The following NCOA1 variants were observed in gnomAD, a reference collection of about 807,000 sequenced individuals.
NCOA1 encodes the protein Hin-2 protein.
In NCOA1, 35 loss-of-function variants were observed where a neutral mutation model predicts 150.9. The observed-to-expected ratio is 0.23, with a 90% CI of 0.18 to 0.31. The LOEUF (loss-of-function observed/expected upper bound fraction) is 0.31, where lower values mean the gene tolerates loss of function less well. Ranked by LOEUF, NCOA1 falls within the 10% of genes least tolerant of loss-of-function variation. The pLI, the probability that NCOA1 is intolerant of heterozygous loss-of-function variation, is 1.00. For missense variants in NCOA1, 1,491 were observed against 1,749.3 expected (o/e 0.85, Z 2.63); for synonymous variants, 590 against 630.0 (o/e 0.94, Z 0.95).
At chr2:24,753,702 C>T (rs1218888746) in intron 20 of NCOA1, among the ~76,000 whole-genome samples, 1 of 152,180 alleles carries the variant, frequency 6.6e-6, no homozygotes, top group South Asian at 2.1e-4. Flanking sequence ...GAGGATCTTT[C>T]TCATCTCCAT....
intron 1 of NCOA1, among the ~76,000 whole-genome samples, chr2:24,519,652 C>CAAAAAAAAA (rs1014874055): frequency 0.049 from 3,524 of 71,922 alleles, 87 homozygotes; most frequent in East Asian, 0.14. Flanking sequence ...CCTGTCTCTA[C>CAAAAAAAAA]AAAAAAAAAA....
At chr2:24,644,448 A>G (rs924407182) in intron 4 of NCOA1, among the ~76,000 whole-genome samples, 1 of 152,172 alleles carries the variant, frequency 6.6e-6, no homozygotes, top group Non-Finnish European at 1.5e-5. Flanking sequence ...AGTTAATTTT[A>G]TACATATATG....
At chr2:24,659,151 C>G (rs996750112) in intron 5 of NCOA1, 1 of 184,412 alleles carries the variant, frequency 5.4e-6, no homozygotes, top group Non-Finnish European at 1.2e-5. Context: ...CTGGCTTCCC[C>G]GCTAGACTCT....
chr2:24,560,776 G>T (rs991451145), intron 1 of NCOA1, among the ~76,000 whole-genome samples: 37 of 152,160 alleles, frequency 2.4e-4, no homozygotes, highest in Admixed American at 2.1e-3. Flanking sequence ...CATAATGGTT[G>T]TTGAGTTTTT....
chr2:24,527,447 A>G (rs1488723994), intron 1 of NCOA1, among the ~76,000 whole-genome samples: 1 of 152,088 alleles, frequency 6.6e-6, no homozygotes, highest in Admixed American at 6.6e-5. Context: ...ACTTAGCATA[A>G]TGTCTTCCAG....
At chr2:24,538,584 A>G (rs1387146018) in intron 1 of NCOA1, among the ~76,000 whole-genome samples, 1 of 152,200 alleles carries the variant, frequency 6.6e-6, no homozygotes, top group Non-Finnish European at 1.5e-5. Flanking sequence ...TTTCCAGCTT[A>G]AAAAGTCTAT....
chr2:24,642,042 G>GCA lies in NCOA1; in HGVS notation c.-174-1923_-174-1922insAC, dbSNP rs148587844. Among the ~76,000 whole-genome samples the GCA allele has an allele frequency of 3.6e-3, 542 of 151,124 alleles. 23 individuals are homozygous for GCA. The East Asian group carries it at 0.095, about 26-fold the overall frequency. On this transcript the variant is annotated intron_variant, in intron 3 of 22. Coordinates refer to ENST00000348332, the MANE Select transcript of NCOA1 (RefSeq NM_003743.5). The stretch of plus-strand genomic sequence containing the variant: ...TGTGTGTGTGTGTGTGTGTGTGCGC[G>GCA]CGTGCGTATGTGTGTGTGTATGTGT...
chr2:24,602,100 G>A (rs1017124723), intron 3 of NCOA1, among the ~76,000 whole-genome samples: 1 of 152,162 alleles, frequency 6.6e-6, no homozygotes, highest in African/African-American at 2.4e-5. Flanking sequence ...GAAGAACCCT[G>A]GAACTTAATG....
At chr2:24,496,608 T>G (rs935304460) in intron 1 of NCOA1, among the ~76,000 whole-genome samples, 2 of 152,142 alleles carry the variant, frequency 1.3e-5, no homozygotes, top group African/African-American at 4.8e-5. Flanking sequence ...GATTCTCTTT[T>G]TAGTGTGTGT....
intron 4 of NCOA1, among the ~76,000 whole-genome samples, chr2:24,645,510 G>GAAA (rs397873594): frequency 1.6e-4 from 12 of 73,316 alleles, no homozygotes; most frequent in South Asian, 1.3e-3. Context: ...ACTCCTCTCA[G>GAAA]AAAAAAAAAA....
At chr2:24,567,919 T>C (rs905551685) in intron 2 of NCOA1, among the ~76,000 whole-genome samples, 1 of 152,130 alleles carries the variant, frequency 6.6e-6, no homozygotes, top group African/African-American at 2.4e-5. Flanking sequence ...AATTTTTGTA[T>C]TTTTAGTAGA....
intron 1 of NCOA1, among the ~76,000 whole-genome samples, chr2:24,550,847 G>T (rs891163904): frequency 2.6e-5 from 4 of 152,186 alleles, no homozygotes; most frequent in Admixed American, 2.6e-4. Flanking sequence ...AGTGGTTCAT[G>T]CCTGAAATCC....
intron 1 of NCOA1, among the ~76,000 whole-genome samples, chr2:24,525,655 T>G (rs1415454500): frequency 6.6e-6 from 1 of 151,998 alleles, no homozygotes; most frequent in Non-Finnish European, 1.5e-5. Flanking sequence ...CATGCAATTC[T>G]CCTGCCTCGG....
chr2:24,711,314 T>G, intron 14 of NCOA1: 1 of 475,604 alleles, frequency 2.1e-6, no homozygotes, highest in Non-Finnish European at 3.5e-6. Flanking sequence ...TCTATCCTTT[T>G]GTAATTAATG....
At chr2:24,587,964 G>A (rs959745733) in intron 3 of NCOA1, among the ~76,000 whole-genome samples, 11 of 152,134 alleles carry the variant, frequency 7.2e-5, no homozygotes, top group African/African-American at 2.7e-4. Context: ...GTGTAATTCT[G>A]TACAGCTCAT....
chr2:24,513,432 A>C (rs924505034), intron 1 of NCOA1, among the ~76,000 whole-genome samples: 1 of 148,720 alleles, frequency 6.7e-6, no homozygotes, highest in East Asian at 2.0e-4. Context: ...TGCAATTTCT[A>C]TTTCATGGCT....
intron 3 of NCOA1, among the ~76,000 whole-genome samples, chr2:24,612,695 C>G (rs904976991): frequency 2.0e-4 from 30 of 151,998 alleles, no homozygotes; most frequent in African/African-American, 6.8e-4. Flanking sequence ...AAAGCTTTCC[C>G]TAATATTTTG....
intron 1 of NCOA1, among the ~76,000 whole-genome samples, chr2:24,514,429 AGTG>A (rs1328773740): frequency 6.6e-6 from 1 of 152,114 alleles, no homozygotes; most frequent in Non-Finnish European, 1.5e-5. Context: ...GAGCAAGTAA[AGTG>A]AGTATCTGGC....
At chr2:24,732,582 A>G (rs967834351) in intron 17 of NCOA1, among the ~76,000 whole-genome samples, 6 of 152,198 alleles carry the variant, frequency 3.9e-5, no homozygotes, top group Admixed American at 2.0e-4. Context: ...GTTCTCAGTC[A>G]GTGTCTTGGT....
Sources: allele counts gnomAD v4.1 joint callset (sites outside exome capture counted in the v4.1 genomes callset), GRCh38; gene constraint gnomAD v4.1.1; transcripts MANE v1.5; gene names NCBI Gene and HGNC (gene_info 2026-07-23, HGNC 2026-07-21).